The following SERPINI2 variants were observed in gnomAD, a reference collection of about 807,000 sequenced individuals.
SERPINI2 encodes the protein serpin family I member 2.
SERPINI2 carries 48 observed loss-of-function variants against 47.3 expected under a neutral mutation model. That is an observed-to-expected ratio of 1.02 (90% CI 0.81 to 1.29). The LOEUF (loss-of-function observed/expected upper bound fraction) is 1.29, where lower values mean the gene tolerates loss of function less well. SERPINI2 is among the 50% of genes most tolerant of loss of function. SERPINI2 has a pLI of 0.00. For missense variants in SERPINI2, 448 were observed against 456.9 expected (o/e 0.98, Z 0.18); for synonymous variants, 135 against 149.3 (o/e 0.90, Z 0.70).
At chr3:167,459,910 C>A (rs1266098868) in intron 5 of SERPINI2, among the ~76,000 whole-genome samples, 1 of 151,948 alleles carries the variant, frequency 6.6e-6, no homozygotes, top group African/African-American at 2.4e-5. Context: ...GAACACCACA[C>A]GAAGACAGAT....
chr3:167,471,782 G>C, exon 2 of SERPINI2: 1 of 1,613,192 alleles, frequency 6.2e-7, no homozygotes, highest in Non-Finnish European at 8.5e-7. Flanking sequence ...GCATCTTGAG[G>C]CTTGACTTCC....
At chr3:167,455,102 T>C (rs1560232161) in intron 5 of SERPINI2, among the ~76,000 whole-genome samples, 1 of 152,210 alleles carries the variant, frequency 6.6e-6, no homozygotes, top group Non-Finnish European at 1.5e-5. Context: ...TTTATGAGTC[T>C]TCATATTTCT....
At chr3:167,475,160 C>A (rs1483022792), upstream of SERPINI2, among the ~76,000 whole-genome samples, 1 of 151,670 alleles carries the variant, frequency 6.6e-6, no homozygotes, top group Admixed American at 6.6e-5. Context: ...GAGTTTTATT[C>A]TAATATTACC....
intron 5 of SERPINI2, among the ~76,000 whole-genome samples, chr3:167,455,232 TGAATG>T (rs1466227036): frequency 2.0e-5 from 3 of 152,174 alleles, no homozygotes; most frequent in Non-Finnish European, 2.9e-5. Context: ...AACTAAATCA[TGAATG>T]GAATTTTTAG....
At chr3:167,467,212 A>C in exon 3 of SERPINI2, 1 of 1,613,438 alleles carries the variant, frequency 6.2e-7, no homozygotes, top group Non-Finnish European at 8.5e-7. Context: ...GGGCATTGGC[A>C]AGATTAAATG....
At chr3:167,472,145 T>C (rs754133277) in intron 1 of SERPINI2, among the ~76,000 whole-genome samples, 19 of 152,110 alleles carry the variant, frequency 1.2e-4, no homozygotes, top group Non-Finnish European at 2.6e-4. Context: ...CAAATAGTTA[T>C]ACAATAGTTT....
At chr3:167,449,438 A>G in intron 6 of SERPINI2, 36 bp from the exon 7 acceptor site, 1 of 1,333,190 alleles carries the variant, frequency 7.5e-7, no homozygotes, top group Non-Finnish European at 1.1e-6. Context: ...TGTATTTAAG[A>G]GTTAAAATCA....
At chr3:167,461,406 T>G (rs1467407003) in intron 5 of SERPINI2, among the ~76,000 whole-genome samples, 2 of 152,212 alleles carry the variant, frequency 1.3e-5, no homozygotes, top group Non-Finnish European at 2.9e-5. Flanking sequence ...AACTGCCAAC[T>G]ATTGTTTTTG....
chr3:167,442,126 C>G (rs1021685921), exon 9 of SERPINI2: 1 of 1,603,876 alleles, frequency 6.2e-7, no homozygotes, highest in Non-Finnish European at 8.5e-7. Context: ...GAATCTAAAT[C>G]TCTTCCTTTT....
At chr3:167,457,195 C>T (rs1474969567) in intron 5 of SERPINI2, among the ~76,000 whole-genome samples, 1 of 152,118 alleles carries the variant, frequency 6.6e-6, no homozygotes, top group Non-Finnish European at 1.5e-5. Context: ...AGTTTAAAGG[C>T]CGAGATTTCC....
chr3:167,474,028 T>G (rs1392299704), exon 1 of SERPINI2: 1 of 1,092,842 alleles, frequency 9.2e-7, no homozygotes, highest in Non-Finnish European at 1.1e-6. Context: ...GATTATTCAC[T>G]GGAATGTTAC....
intron 8 of SERPINI2, 34 bp downstream of exon 8, chr3:167,446,358 A>T: frequency 1.4e-6 from 2 of 1,410,280 alleles, no homozygotes; most frequent in Non-Finnish European, 2.0e-6. Context: ...GCTTAACATA[A>T]TCAGTTCCCC....
At chr3:167,442,558 C>T (rs1211334366) in intron 8 of SERPINI2, among the ~76,000 whole-genome samples, 2 of 152,164 alleles carry the variant, frequency 1.3e-5, no homozygotes, top group African/African-American at 4.8e-5. Context: ...AAATTTAAGG[C>T]ATTAGCAATC....
At chr3:167,454,831 G>T (rs1306818491) in intron 5 of SERPINI2, among the ~76,000 whole-genome samples, 1 of 152,166 alleles carries the variant, frequency 6.6e-6, no homozygotes, top group African/African-American at 2.4e-5. Context: ...ACTGCCATGT[G>T]TTAGGTACTT....
intron 2 of SERPINI2, among the ~76,000 whole-genome samples, chr3:167,467,797 C>A (rs1479442436): frequency 6.6e-6 from 1 of 152,082 alleles, no homozygotes; most frequent in Non-Finnish European, 1.5e-5. Flanking sequence ...ACAAGGCAAC[C>A]TCTGTAATCA....
chr3:167,461,164 G>A (rs1749970832), intron 5 of SERPINI2, among the ~76,000 whole-genome samples: 1 of 152,106 alleles, frequency 6.6e-6, no homozygotes, highest in African/African-American at 2.4e-5. Context: ...CCACACAGAA[G>A]AGAAAGGAGT....
chr3:167,442,280 G>T, intron 8 of SERPINI2, 95 bp from the exon 9 acceptor site: 1 of 862,542 alleles, frequency 1.2e-6, no homozygotes, highest in Non-Finnish European at 1.7e-6. Context: ...ATGTCATTTG[G>T]TCTTTTTTCT....
chr3:167,453,660 G>C (rs966406207), intron 5 of SERPINI2, among the ~76,000 whole-genome samples: 1 of 148,422 alleles, frequency 6.7e-6, no homozygotes, highest in Non-Finnish European at 1.5e-5. Context: ...CAGGAGTGGG[G>C]GGGGGTGGGC....
rs112305455 is a variant in SERPINI2 at position 167,471,349 on chromosome 3, A to C, written c.247+239T>G. ...AAAACAAACTAAAAGAAAATGTACA[A>C]ATATTTACTTAATTTTACATTTATA... On this transcript the variant is annotated intron_variant, in intron 2 of 8. Transcript: ENST00000264677. 8.8e-3 allele frequency among the ~76,000 whole-genome samples: 1,344 copies of C among 152,242 alleles called. 15 individuals carry two copies. The highest frequency in any genetic ancestry group is 0.031 in the African/African-American group (1,281 of 41,544).
Sources: allele counts gnomAD v4.1 joint callset (sites outside exome capture counted in the v4.1 genomes callset), GRCh38; gene constraint gnomAD v4.1.1; transcripts MANE v1.5; gene names NCBI Gene and HGNC (gene_info 2026-07-23, HGNC 2026-07-21).